LRRIQ1: variants seen among roughly 807,000 people sequenced by gnomAD.
LRRIQ1 encodes the protein leucine-rich repeat- and IQ domain-containing protein 1.
In LRRIQ1, 210 loss-of-function variants were observed where a neutral mutation model predicts 211.9. That is an observed-to-expected ratio of 0.99 (90% CI 0.89 to 1.11). The LOEUF (loss-of-function observed/expected upper bound fraction) is 1.11. Among genes scored for constraint, LRRIQ1 ranks in the 50% most tolerant of loss-of-function variants. The pLI is 0.00. For missense variants in LRRIQ1, 2,136 were observed against 1,939.5 expected (o/e 1.10, Z -1.90); for synonymous variants, 699 against 650.1 (o/e 1.08, Z -1.14).
intron 24 of LRRIQ1, among the ~76,000 whole-genome samples, chr12:85,170,264 G>GTATATATA (rs35828890): frequency 4.1e-4 from 61 of 147,876 alleles, no homozygotes; most frequent in African/African-American, 1.5e-3. Flanking sequence ...TGTGCATATT[G>GTATATATA]TATATATATA....
chr12:85,101,516 G>A (rs1886345218), intron 13 of LRRIQ1, among the ~76,000 whole-genome samples: 1 of 151,830 alleles, frequency 6.6e-6, no homozygotes, highest in Non-Finnish European at 1.5e-5. Context: ...TAATGCCCAG[G>A]GCTAATGTGA....
intron 24 of LRRIQ1, 111 bp from the exon 25 acceptor site, chr12:85,229,406 G>GT: frequency 1.2e-6 from 1 of 815,062 alleles, no homozygotes; most frequent in East Asian, 2.7e-5. Flanking sequence ...GCTCTCATAA[G>GT]TTAGTATTTT....
chr12:85,221,876 A>C (rs1894417635), intron 24 of LRRIQ1, among the ~76,000 whole-genome samples: 1 of 152,212 alleles, frequency 6.6e-6, no homozygotes, highest in East Asian at 1.9e-4. Context: ...CTTTAGCAAG[A>C]TCATTTGCAG....
intron 16 of LRRIQ1, among the ~76,000 whole-genome samples, chr12:85,122,758 A>G (rs1239866041): frequency 6.6e-6 from 1 of 152,040 alleles, no homozygotes; most frequent in Non-Finnish European, 1.5e-5. Context: ...AATAATTTCA[A>G]TTGTTATAAG....
chr12:85,213,378 C>T (rs1893931499), intron 24 of LRRIQ1, among the ~76,000 whole-genome samples: 1 of 151,890 alleles, frequency 6.6e-6, no homozygotes, highest in African/African-American at 2.4e-5. Flanking sequence ...GCAAATTCCA[C>T]AACTATATTG....
chr12:85,154,030 T>C lies in LRRIQ1; in HGVS notation c.4656T>C (p.Ser1552=). The change falls in exon 23 of 27, where the codon TCT becomes TCC. Residue 1552 remains serine, a synonymous_variant. Coordinates refer to ENST00000393217, the MANE Select transcript of LRRIQ1 (RefSeq NM_001079910.2). ...ISEEWGFKDI[S]TAQQMLKRAQ... ...TTAATAGGGGCTTTAAGGATATTTC[T>C]ACTGCTCAGCAAATGTTGAAGAGGG... The C allele has an allele frequency of 6.4e-7, 1 of 1,565,576 alleles. No homozygotes were observed. Among genetic ancestry groups the C allele is most frequent in the Non-Finnish European group, 8.6e-7 (1 of 1,157,278 alleles).
chr12:85,115,208 A>G (rs946949025), intron 15 of LRRIQ1, among the ~76,000 whole-genome samples: 2 of 152,210 alleles, frequency 1.3e-5, no homozygotes, highest in Admixed American at 1.3e-4. Flanking sequence ...GAGATCTCAC[A>G]GTATTCTGAT....
chr12:85,230,007 T>G lies in LRRIQ1; in HGVS notation c.4955+358T>G, dbSNP rs553529510. On this transcript the variant is annotated intron_variant, in intron 25 of 26. Coordinates refer to ENST00000393217, the MANE Select transcript of LRRIQ1 (RefSeq NM_001079910.2). Reference sequence around the variant, plus strand: ...TTTTGTTATTTATAAGTTTGACAGTTAAAATTATAATTCAACCCTGTGGCT... The same window carrying G: ...TTTTGTTATTTATAAGTTTGACAGTGAAAATTATAATTCAACCCTGTGGCT... Among the ~76,000 whole-genome samples the G allele has an allele frequency of 3.4e-4, 52 of 152,328 alleles. 1 individual carries two copies. The highest frequency in any genetic ancestry group is 1.2e-3 in the African/African-American group (48 of 41,580).
chr12:85,153,779 T>A, intron 22 of LRRIQ1, 21 bp downstream of exon 22: 3 of 1,400,494 alleles, frequency 2.1e-6, no homozygotes, highest in Non-Finnish European at 2.9e-6. Flanking sequence ...AATTTGACAC[T>A]AATAAATTAA....
At chr12:85,188,483 A>G (rs1892336981) in intron 24 of LRRIQ1, among the ~76,000 whole-genome samples, 1 of 152,112 alleles carries the variant, frequency 6.6e-6, no homozygotes, top group Non-Finnish European at 1.5e-5. Context: ...TTTGATTGTT[A>G]TTTTCCAGCA....
chr12:85,093,617 AC>A (rs1453570886), intron 11 of LRRIQ1, among the ~76,000 whole-genome samples: 3 of 152,180 alleles, frequency 2.0e-5, no homozygotes, highest in African/African-American at 7.2e-5. Flanking sequence ...TTTCAGTAAC[AC>A]AAAAAGTGTC....
chr12:85,101,980 A>G (rs989306910), intron 13 of LRRIQ1, among the ~76,000 whole-genome samples: 9 of 151,782 alleles, frequency 5.9e-5, no homozygotes, highest in African/African-American at 9.7e-5. Flanking sequence ...TGTATTCTGA[A>G]TGGTTTAATA....
chr12:85,263,526 TAAAC>T (rs1212182675), exon 2 of LRRIQ1: 1 of 151,898 alleles, frequency 6.6e-6, no homozygotes, highest in Non-Finnish European at 1.5e-5. Context: ...TAACTGAAAA[TAAAC>T]AGTGACAAAG....
chr12:85,142,906 C>A (rs1889642747), intron 19 of LRRIQ1, among the ~76,000 whole-genome samples: 2 of 151,520 alleles, frequency 1.3e-5, no homozygotes, highest in African/African-American at 4.8e-5. Context: ...GTGAATAATG[C>A]TAGAGTGAAG....
chr12:85,124,715 T>A, intron 17 of LRRIQ1, 196 bp downstream of exon 17: 2 of 508,888 alleles, frequency 3.9e-6, no homozygotes, highest in Non-Finnish European at 6.9e-6. Context: ...GCATATTAAT[T>A]TGATTAAATT....
rs1452968875 is a variant in LRRIQ1, at chr12:85,056,380, A to T, written c.1587A>T (p.Glu529Asp). Residue 529 changes from glutamate to aspartate, a missense_variant, in exon 8 of 27, where the codon GAA becomes GAT. Physicochemically the swap from Glu to Asp is conservative, Grantham distance 45. Coordinates refer to ENST00000393217, the MANE Select transcript of LRRIQ1 (RefSeq NM_001079910.2). ...TGAAAGAACAGTTTCCATTGCAAGA[A>T]TTAAAGTCTGATGCACAAAAAGAAG... Reference protein sequence around the residue: ...GNLKEQFPLQELKSDAQKEEK... With the variant: ...GNLKEQFPLQDLKSDAQKEEK... 6.3e-7 allele frequency: 1 copy of T among 1,590,754 alleles called. No individual in the cohort carries two copies.
chr12:85,185,101 A>T (rs912033617), intron 24 of LRRIQ1, among the ~76,000 whole-genome samples: 1 of 151,990 alleles, frequency 6.6e-6, no homozygotes, highest in Non-Finnish European at 1.5e-5. Context: ...ACAGTGAGAA[A>T]GCGTTATCTC....
intron 11 of LRRIQ1, among the ~76,000 whole-genome samples, chr12:85,085,749 T>C (rs1441679138): frequency 6.6e-6 from 1 of 152,222 alleles, no homozygotes; most frequent in Non-Finnish European, 1.5e-5. Context: ...TGCATCCATA[T>C]TACTGCAGAG....
At chr12:85,189,115 A>C (rs1892368935) in intron 24 of LRRIQ1, among the ~76,000 whole-genome samples, 1 of 152,142 alleles carries the variant, frequency 6.6e-6, no homozygotes, top group South Asian at 2.1e-4. Context: ...AAACATAAAC[A>C]GTTAGCTAAT....
Sources: allele counts gnomAD v4.1 joint callset (sites outside exome capture counted in the v4.1 genomes callset), GRCh38; gene constraint gnomAD v4.1.1; transcripts MANE v1.5; gene names NCBI Gene and HGNC (gene_info 2026-07-23, HGNC 2026-07-21).